Variants in MAP3K20 observed in about 807,000 individuals in gnomAD.
MAP3K20 encodes the protein HCCS-4.
Under a neutral mutation model 85.7 loss-of-function variants are expected in MAP3K20, and 40 were observed. The ratio of observed to expected loss-of-function variants is 0.47; its 90% CI spans 0.36 to 0.61. The LOEUF is 0.61. Ranked by LOEUF, MAP3K20 falls within the 20% of genes least tolerant of loss-of-function variation. The probability of loss-of-function intolerance (pLI) is 0.00; values close to 1 mark genes in which losing one functional copy is unlikely to be tolerated. For synonymous variants in MAP3K20, 325 were observed against 327.7 expected (o/e 0.99, Z 0.09); for missense variants, 817 against 961.7 (o/e 0.85, Z 1.99).
At chr2:173,118,258 A>T (rs936488775) in intron 2 of MAP3K20, among the ~76,000 whole-genome samples, 4 of 152,250 alleles carry the variant, frequency 2.6e-5, no homozygotes, top group African/African-American at 9.6e-5. Flanking sequence ...TACTGTAAAT[A>T]GATGTGTCAG....
At chr2:173,221,601 T>G in intron 11 of MAP3K20, 1 of 1,397,040 alleles carries the variant, frequency 7.2e-7, no homozygotes, top group East Asian at 2.5e-5. Flanking sequence ...TCTCAGTCTG[T>G]ACAAAAACAG....
At chr2:173,131,995 G>A (rs1376443368) in intron 2 of MAP3K20, among the ~76,000 whole-genome samples, 1 of 152,086 alleles carries the variant, frequency 6.6e-6, no homozygotes, top group African/African-American at 2.4e-5. Context: ...CAAAAACAAG[G>A]TCCCTGGAAT....
Position 173,261,097 on chromosome 2 carries a change from T to C in MAP3K20, c.1511T>C (p.Ile504Thr), listed in dbSNP as rs768515720. ...GTAATGGAGAAGTGGATTGTAGGAA[T>C]AGCAAAAAGTCAGACTGTGGAGTGC... is the stretch of plus-strand genomic sequence containing the variant. ...PFVMEKWIVG[I>T]AKSQTVECTV... Residue 504 changes from isoleucine (I) to threonine (T), a missense_variant, in exon 18 of 20, where the codon ATA becomes ACA. Transcript: ENST00000375213. 10 of 1,613,588 alleles carry C rather than the reference T, an allele frequency of 6.2e-6. No homozygotes were observed. Among genetic ancestry groups the C allele is most frequent in the South Asian group, 5.5e-5 (5 of 91,076 alleles).
At chr2:173,173,661 CAATT>C (rs1690073047) in intron 3 of MAP3K20, among the ~76,000 whole-genome samples, 3 of 152,046 alleles carry the variant, frequency 2.0e-5, no homozygotes, top group South Asian at 4.2e-4. Flanking sequence ...TTTTATTAGT[CAATT>C]AGAGACAAGT....
At chr2:173,180,166 T>G (rs1690283466) in intron 3 of MAP3K20, among the ~76,000 whole-genome samples, 1 of 152,174 alleles carries the variant, frequency 6.6e-6, no homozygotes, top group East Asian at 1.9e-4. Flanking sequence ...CAAACCAATT[T>G]TGAGAAAGAA....
chr2:173,255,920 C>T (rs1310096710), intron 16 of MAP3K20, among the ~76,000 whole-genome samples: 1 of 152,242 alleles, frequency 6.6e-6, no homozygotes, highest in Non-Finnish European at 1.5e-5. Flanking sequence ...TACCTCAGGA[C>T]CCACATTGCC....
At chr2:173,239,861 A>G (rs1684741220) in intron 16 of MAP3K20, among the ~76,000 whole-genome samples, 1 of 152,220 alleles carries the variant, frequency 6.6e-6, no homozygotes. Flanking sequence ...ATAAAAACTA[A>G]GAATGAAACT....
At chr2:173,190,639 G>T (rs1690619941) in intron 5 of MAP3K20, among the ~76,000 whole-genome samples, 1 of 152,168 alleles carries the variant, frequency 6.6e-6, no homozygotes, top group Non-Finnish European at 1.5e-5. Flanking sequence ...ACTAATTTGT[G>T]CCTTTCTTAC....
intron 3 of MAP3K20, among the ~76,000 whole-genome samples, chr2:173,174,561 A>G (rs547387835): frequency 6.6e-6 from 1 of 152,332 alleles, no homozygotes; most frequent in African/African-American, 2.4e-5. Context: ...GCTGCATAGT[A>G]TTCCATGTTG....
At chr2:173,124,435 T>C (rs1385783189) in intron 2 of MAP3K20, among the ~76,000 whole-genome samples, 5 of 152,032 alleles carry the variant, frequency 3.3e-5, no homozygotes, top group South Asian at 2.1e-4. Context: ...TGAGACCTCA[T>C]TGGAAAGGCT....
In MAP3K20 at chr2:173,134,411, TATATATATATATATATA is replaced by T. The variant is rs1311455121; in HGVS notation, c.160-35393_160-35377del. Among the ~76,000 whole-genome samples, 101 of 10,182 alleles carry T rather than the reference TATATATATATATATATA, an allele frequency of 9.9e-3. 5 individuals are homozygous for T. Among genetic ancestry groups the T allele is most frequent in the Non-Finnish European group, 0.022 (81 of 3,632 alleles). The allele number at this position is 10,182 out of a possible 152,430, so 6.7% of individuals were successfully genotyped here. A position where few individuals can be genotyped will look rare whatever the true frequency, so the allele number is the denominator to read the frequency against. The stretch of plus-strand genomic sequence containing the variant: ...CTCTATACATATATATATATATATA[TATATATATATATATATA>T]TTTTTTTTTTTTTTTTTTTGCAGAG... On this transcript the variant is annotated intron_variant, in intron 2 of 19. Transcript: ENST00000375213.
At chr2:173,100,849 A>G (rs1032767694) in intron 2 of MAP3K20, among the ~76,000 whole-genome samples, 14 of 152,180 alleles carry the variant, frequency 9.2e-5, no homozygotes, top group Non-Finnish European at 1.9e-4. Flanking sequence ...ATAATGGATC[A>G]TTTTATTTGA....
chr2:173,125,289 C>T (rs904386986), intron 2 of MAP3K20, among the ~76,000 whole-genome samples: 5 of 152,148 alleles, frequency 3.3e-5, no homozygotes, highest in South Asian at 2.1e-4. Flanking sequence ...TTCTTGTGTA[C>T]GTATTTCAGT....
At chr2:173,187,504 C>G in intron 4 of MAP3K20, 54 bp from the exon 5 acceptor site, 1 of 1,444,186 alleles carries the variant, frequency 6.9e-7, no homozygotes, top group Non-Finnish European at 9.5e-7. Flanking sequence ...AAAGGTAATA[C>G]TGATGTAATG....
intron 2 of MAP3K20, among the ~76,000 whole-genome samples, chr2:173,102,291 A>G (rs182442356): frequency 6.6e-6 from 1 of 152,326 alleles, no homozygotes; most frequent in Admixed American, 6.5e-5. Context: ...ACCCTACTTT[A>G]TAGCCTTTTC....
chr2:173,220,971 C>G (rs1684228602), intron 11 of MAP3K20, among the ~76,000 whole-genome samples: 1 of 152,156 alleles, frequency 6.6e-6, no homozygotes, highest in Non-Finnish European at 1.5e-5. Flanking sequence ...TAAATTATGG[C>G]AAATATGCTG....
At chr2:173,224,430 AAGC>A (rs1684332003) in intron 11 of MAP3K20, 1 of 985,296 alleles carries the variant, frequency 1.0e-6, no homozygotes, top group South Asian at 4.7e-5. Flanking sequence ...GCATTAATAA[AAGC>A]AGCCAAATAG....
At chr2:173,239,327 G>C (rs1684727830) in intron 15 of MAP3K20, 77 bp from the exon 16 acceptor site, 2 of 1,114,930 alleles carry the variant, frequency 1.8e-6, no homozygotes, top group South Asian at 1.9e-5. Flanking sequence ...AAAAAAACTA[G>C]TGCCAAGATA....
intron 1 of MAP3K20, among the ~76,000 whole-genome samples, chr2:173,076,334 G>A (rs1339218096): frequency 6.6e-6 from 1 of 152,142 alleles, no homozygotes; most frequent in Non-Finnish European, 1.5e-5. Flanking sequence ...AGGCCGGAGC[G>A]GCCCCGGCTT....
Sources: allele counts gnomAD v4.1 joint callset (sites outside exome capture counted in the v4.1 genomes callset), GRCh38; gene constraint gnomAD v4.1.1; transcripts MANE v1.5; gene names NCBI Gene and HGNC (gene_info 2026-07-23, HGNC 2026-07-21).